ATG7: variants seen among roughly 807,000 people sequenced by gnomAD.
The protein encoded by ATG7 is ubiquitin-like modifier-activating enzyme ATG7.
In ATG7, 70 loss-of-function variants were observed where a neutral mutation model predicts 82.4. That is an observed-to-expected ratio of 0.85 (90% CI 0.70 to 1.04). ATG7 has a LOEUF of 1.04. Among genes scored for constraint, ATG7 ranks in the 50% least tolerant of loss-of-function variants. The pLI is 0.00. For missense variants in ATG7, 792 were observed against 864.3 expected, an observed-to-expected ratio of 0.92 and a Z score of 1.05; for synonymous variants, 287 against 313.0, an observed-to-expected ratio of 0.92 and a Z score of 0.88.
intron 20 of ATG7, among the ~76,000 whole-genome samples, chr3:11,535,181 T>C (rs1351647610): frequency 6.6e-6 from 1 of 152,228 alleles, no homozygotes; most frequent in East Asian, 1.9e-4. Context: ...ACCCGGGCCA[T>C]GCCCTGCTGA....
At chr3:11,402,046 T>C (rs1322748144) in intron 19 of ATG7, among the ~76,000 whole-genome samples, 2 of 152,244 alleles carry the variant, frequency 1.3e-5, no homozygotes, top group East Asian at 1.9e-4. Flanking sequence ...TAAATACCCA[T>C]GCAACTGAGA....
At chr3:11,324,452 C>T (rs900432767) in intron 9 of ATG7, among the ~76,000 whole-genome samples, 2 of 152,088 alleles carry the variant, frequency 1.3e-5, no homozygotes, top group African/African-American at 4.8e-5. Context: ...TTGTCATTTT[C>T]CTATTCGACG....
At chr3:11,490,681 T>G (rs189380030) in intron 20 of ATG7, among the ~76,000 whole-genome samples, 3,873 of 152,192 alleles carry the variant, frequency 0.025, 149 homozygotes, top group African/African-American at 0.086. Context: ...TGACAAAATC[T>G]CTCAGCATTT....
chr3:11,489,908 A>G (rs966300675), intron 20 of ATG7, among the ~76,000 whole-genome samples: 23 of 151,772 alleles, frequency 1.5e-4, no homozygotes, highest in African/African-American at 5.3e-4. Flanking sequence ...TATGTGGTCA[A>G]TGTTGGAATA....
At chr3:11,357,391 T>C (rs556332966) in intron 14 of ATG7, among the ~76,000 whole-genome samples, 26 of 152,312 alleles carry the variant, frequency 1.7e-4, no homozygotes, top group African/African-American at 6.3e-4. Context: ...ATGGACAGCT[T>C]CTACTTTTGG....
chr3:11,321,815 C>G (rs1366437089), intron 9 of ATG7, among the ~76,000 whole-genome samples: 1 of 152,150 alleles, frequency 6.6e-6, no homozygotes, highest in African/African-American at 2.4e-5. Context: ...TAATTGTTCC[C>G]ACTATATTTT....
downstream of ATG7, among the ~76,000 whole-genome samples, chr3:11,562,364 C>T (rs1213256627): frequency 1.3e-5 from 2 of 152,292 alleles, no homozygotes; most frequent in East Asian, 1.9e-4. Context: ...TGTCCCAGTT[C>T]CCAGAGATCT....
chr3:11,310,867 C>T (rs994345103), intron 7 of ATG7, among the ~76,000 whole-genome samples: 16 of 152,048 alleles, frequency 1.1e-4, no homozygotes, highest in Non-Finnish European at 1.9e-4. Flanking sequence ...CTCCTGACCT[C>T]GTGATCCGCC....
chr3:11,316,730 G>C (rs895412612), intron 9 of ATG7, among the ~76,000 whole-genome samples: 6 of 152,206 alleles, frequency 3.9e-5, no homozygotes, highest in African/African-American at 1.2e-4. Flanking sequence ...TACCGTAAAT[G>C]TCTTTTAGAA....
intron 1 of ATG7, among the ~76,000 whole-genome samples, chr3:11,275,546 G>A (rs890676044): frequency 3.7e-5 from 5 of 135,802 alleles, no homozygotes; most frequent in African/African-American, 5.7e-5. Flanking sequence ...TTTTAGTAGA[G>A]ATGGGGTTTC....
intron 20 of ATG7, among the ~76,000 whole-genome samples, chr3:11,548,682 G>GCCC (rs1369502172): frequency 2.0e-5 from 3 of 152,150 alleles, no homozygotes; most frequent in African/African-American, 7.2e-5. Flanking sequence ...CCGGAACTGA[G>GCCC]CCCCCGTATC....
chr3:11,465,985 C>G (rs569803242), intron 20 of ATG7, among the ~76,000 whole-genome samples: 1 of 152,272 alleles, frequency 6.6e-6, no homozygotes, highest in Non-Finnish European at 1.5e-5. Flanking sequence ...TCATTTGTGT[C>G]TTTCACAGAG....
Position 11,372,965 on chromosome 3 carries a change from A to T in ATG7, c.1876-7007A>T, listed in dbSNP as rs112362739. On this transcript the variant is annotated intron_variant, in intron 18 of 20. Transcript: ENST00000693202. ...AAGTTAAATGTTTAGATAATTTTTT[A>T]AAAAATAGGAAAATGGAAGTAAATA... Among the ~76,000 whole-genome samples, 664 of 151,522 alleles carry T rather than the reference A, an allele frequency of 4.4e-3. 39 individuals are homozygous for T. Among genetic ancestry groups the T allele is most frequent in the African/African-American group, 0.015 (619 of 41,202 alleles).
chr3:11,366,218 C>CAAAA (rs1296231136), intron 18 of ATG7, among the ~76,000 whole-genome samples: 20 of 60,638 alleles, frequency 3.3e-4, no homozygotes, highest in South Asian at 6.2e-4. Flanking sequence ...GACTCCATCT[C>CAAAA]AAAAAAAAAA....
intron 19 of ATG7, among the ~76,000 whole-genome samples, chr3:11,412,898 T>C (rs757527262): frequency 6.6e-6 from 1 of 152,150 alleles, no homozygotes; most frequent in Non-Finnish European, 1.5e-5. Context: ...ATAATTTTTA[T>C]TGTATAAGTC....
intron 19 of ATG7, among the ~76,000 whole-genome samples, chr3:11,387,705 G>A (rs1003196213): frequency 6.6e-5 from 10 of 152,014 alleles, no homozygotes; most frequent in Non-Finnish European, 1.0e-4. Context: ...GCGTGGTGGC[G>A]CACACCTGTA....
intron 20 of ATG7, among the ~76,000 whole-genome samples, chr3:11,553,628 C>T (rs1027884596): frequency 2.6e-5 from 4 of 152,278 alleles, no homozygotes; most frequent in East Asian, 1.9e-4. Context: ...GTCACTGGAC[C>T]GCAGACCGGC....
chr3:11,380,980 C>T (rs2077854815), intron 19 of ATG7, among the ~76,000 whole-genome samples: 1 of 152,154 alleles, frequency 6.6e-6, no homozygotes, highest in South Asian at 2.1e-4. Context: ...AAGCACAATC[C>T]TGACCAGTTT....
At chr3:11,377,338 TC>T (rs1471037751) in intron 18 of ATG7, among the ~76,000 whole-genome samples, 15 of 152,212 alleles carry the variant, frequency 9.9e-5, no homozygotes, top group Non-Finnish European at 2.1e-4. Context: ...TAAATCTGTT[TC>T]CTAGTAAAGA....
Sources: allele counts gnomAD v4.1 joint callset (sites outside exome capture counted in the v4.1 genomes callset), GRCh38; gene constraint gnomAD v4.1.1; transcripts MANE v1.5; gene names NCBI Gene and HGNC (gene_info 2026-07-23, HGNC 2026-07-21).